MITF: variants seen among roughly 807,000 people sequenced by gnomAD.
The protein encoded by MITF is melanocyte inducing transcription factor.
MITF carries 17 observed loss-of-function variants against 60.5 expected under a neutral mutation model. The observed-to-expected ratio is 0.28, with a 90% CI of 0.19 to 0.42. MITF has a LOEUF of 0.42. MITF is among the 10% of genes least tolerant of loss of function. MITF has a pLI of 1.00. For synonymous variants in MITF, 260 were observed against 248.5 expected (o/e 1.05, Z -0.43); for missense variants, 622 against 683.5 (o/e 0.91, Z 1.00).
At chr3:69,836,338 A>G (rs1254260984) in intron 1 of MITF, among the ~76,000 whole-genome samples, 2 of 152,214 alleles carry the variant, frequency 1.3e-5, no homozygotes, top group African/African-American at 4.8e-5. Context: ...CTGCAACATT[A>G]TTGAGCAAAT....
At chr3:69,934,320 A>T (rs2065785395) in intron 2 of MITF, among the ~76,000 whole-genome samples, 1 of 152,208 alleles carries the variant, frequency 6.6e-6, no homozygotes, top group African/African-American at 2.4e-5. Context: ...CATTGTTCTG[A>T]CATCCTGTGA....
rs142347719 is a variant in MITF, at chr3:69,835,015, C to CTTTTTTTTT, written c.105-44104_105-44096dup. On this transcript the variant is annotated intron_variant, in intron 1 of 9. Coordinates refer to ENST00000352241, the MANE Select transcript of MITF (RefSeq NM_001354604.2). The stretch of plus-strand genomic sequence containing the variant: ...GTGTCTATTAAGCTTGCTCTTTTAC[C>CTTTTTTTTT]TTTTTTTTTTTTTTTTTTTTTTTGG... Among the ~76,000 whole-genome samples, 14 of 68,530 alleles carry CTTTTTTTTT rather than the reference C, an allele frequency of 2.0e-4. 1 individual carries two copies. The highest frequency in any genetic ancestry group is 4.4e-4 in the Admixed American group (2 of 4,512). The allele number at this position is 68,530 out of a possible 152,430, so 45.0% of individuals were successfully genotyped here. A position where few individuals can be genotyped will look rare whatever the true frequency, so the allele number is the denominator to read the frequency against.
intron 1 of MITF, among the ~76,000 whole-genome samples, chr3:69,845,402 A>G (rs1340654464): frequency 2.1e-5 from 3 of 146,012 alleles, no homozygotes; most frequent in Admixed American, 6.8e-5. Context: ...GAGCTCTGCA[A>G]TTCTTTGTTT....
intron 2 of MITF, among the ~76,000 whole-genome samples, chr3:69,930,638 A>G (rs2065699257): frequency 6.6e-6 from 1 of 152,198 alleles, no homozygotes; most frequent in Non-Finnish European, 1.5e-5. Context: ...AATGGTGAAC[A>G]TATAACTTTT....
At chr3:69,862,922 A>G (rs2064042119) in intron 1 of MITF, among the ~76,000 whole-genome samples, 1 of 151,826 alleles carries the variant, frequency 6.6e-6, no homozygotes, top group Admixed American at 6.6e-5. Flanking sequence ...TTCCTCCCCA[A>G]CCACACTACA....
intron 1 of MITF, among the ~76,000 whole-genome samples, chr3:69,835,690 A>G (rs190625024): frequency 3.9e-5 from 6 of 152,308 alleles, no homozygotes; most frequent in African/African-American, 1.4e-4. Context: ...ATTCTTCCGC[A>G]TATGAATATC....
chr3:69,941,139 T>G, intron 4 of MITF, 97 bp from the exon 5 acceptor site: 1 of 752,242 alleles, frequency 1.3e-6, no homozygotes, highest in Admixed American at 2.2e-5. Flanking sequence ...TAAAGACCAT[T>G]ATTGCTTTGG....
chr3:69,837,851 A>G (rs995152274), intron 1 of MITF, among the ~76,000 whole-genome samples: 1 of 152,178 alleles, frequency 6.6e-6, no homozygotes, highest in Admixed American at 6.5e-5. Flanking sequence ...TATGATCTCT[A>G]TTATCTCTAT....
At chr3:69,863,523 C>T (rs565698594) in intron 1 of MITF, among the ~76,000 whole-genome samples, 10 of 152,262 alleles carry the variant, frequency 6.6e-5, no homozygotes, top group African/African-American at 2.2e-4. Context: ...ATTATGTCCC[C>T]TTCGGGAAGG....
Position 69,844,661 on chromosome 3 carries a change from A to C in MITF, c.105-34473A>C, listed in dbSNP as rs377161665. Among the ~76,000 whole-genome samples, 6 of 152,234 alleles carry C rather than the reference A, an allele frequency of 3.9e-5. No homozygotes were observed. The East Asian group carries it at 1.2e-3, about 29-fold the overall frequency. On this transcript the variant is annotated intron_variant, in intron 1 of 9. Coordinates refer to ENST00000352241, the MANE Select transcript of MITF (RefSeq NM_001354604.2). ...CTAAAGAGCTTCTGCACAGCAAAAG[A>C]AACTATCATAAGAGTGAACAGGCAA...
At chr3:69,919,643 T>C (rs1256920973) in intron 2 of MITF, among the ~76,000 whole-genome samples, 1 of 152,172 alleles carries the variant, frequency 6.6e-6, no homozygotes, top group Non-Finnish European at 1.5e-5. Context: ...TCTTGCCCCA[T>C]CTCTGAGAGC....
intron 1 of MITF, among the ~76,000 whole-genome samples, chr3:69,841,594 G>A (rs893186019): frequency 6.6e-5 from 10 of 152,188 alleles, no homozygotes; most frequent in South Asian, 6.2e-4. Context: ...TCCTCTTAGT[G>A]CTTAAGCACA....
chr3:69,835,818 C>A (rs1457230839), intron 1 of MITF, among the ~76,000 whole-genome samples: 1 of 152,064 alleles, frequency 6.6e-6, no homozygotes, highest in Non-Finnish European at 1.5e-5. Context: ...GTTCTCTATT[C>A]TGTTTCATTG....
At chr3:69,815,794 G>A (rs1415508868) in intron 1 of MITF, among the ~76,000 whole-genome samples, 1 of 152,170 alleles carries the variant, frequency 6.6e-6, no homozygotes, top group Non-Finnish European at 1.5e-5. Context: ...TGAATGTTAT[G>A]CTGTGTGTCT....
intron 1 of MITF, among the ~76,000 whole-genome samples, chr3:69,778,280 GTA>G (rs1426614771): frequency 2.6e-5 from 4 of 152,174 alleles, no homozygotes; most frequent in African/African-American, 9.7e-5. Flanking sequence ...CCTATATGTG[GTA>G]GAGTAGATGG....
chr3:69,883,714 T>C (rs2064543264), intron 2 of MITF, among the ~76,000 whole-genome samples: 1 of 152,112 alleles, frequency 6.6e-6, no homozygotes, highest in South Asian at 2.1e-4. Flanking sequence ...AGATGTAGTG[T>C]GTCTCAGATC....
intron 1 of MITF, among the ~76,000 whole-genome samples, chr3:69,841,207 C>A (rs189616650): frequency 6.6e-6 from 1 of 152,270 alleles, no homozygotes; most frequent in African/African-American, 2.4e-5. Flanking sequence ...TTATTAAACC[C>A]TTAAATCCAT....
chr3:69,950,472 A>ATATATG (rs1321676407), intron 6 of MITF, among the ~76,000 whole-genome samples: 2 of 148,170 alleles, frequency 1.3e-5, no homozygotes, highest in African/African-American at 4.9e-5. Flanking sequence ...ATATATATAT[A>ATATATG]TATATGCACA....
At chr3:69,899,221 A>G (rs1399062221) in intron 2 of MITF, among the ~76,000 whole-genome samples, 4 of 152,186 alleles carry the variant, frequency 2.6e-5, no homozygotes, top group Non-Finnish European at 5.9e-5. Context: ...GCAGATGCTG[A>G]GACCCTGCAG....
Sources: allele counts gnomAD v4.1 joint callset (sites outside exome capture counted in the v4.1 genomes callset), GRCh38; gene constraint gnomAD v4.1.1; transcripts MANE v1.5; gene names NCBI Gene and HGNC (gene_info 2026-07-23, HGNC 2026-07-21).